FMNL2: variants seen among roughly 807,000 people sequenced by gnomAD.
FMNL2 encodes formin like 2.
FMNL2 carries 51 observed loss-of-function variants against 130.2 expected under a neutral mutation model. That is an observed-to-expected ratio of 0.39 (90% CI 0.31 to 0.49). The LOEUF is 0.49. FMNL2 is among the 20% of genes least tolerant of loss of function. FMNL2 has a pLI of 0.85. For synonymous variants in FMNL2, 465 were observed against 467.1 expected (o/e 1.00, Z 0.06); for missense variants, 977 against 1,316.2 (o/e 0.74, Z 3.99).
intron 1 of FMNL2, among the ~76,000 whole-genome samples, chr2:152,353,019 G>A (rs1385583631): frequency 6.6e-6 from 1 of 152,154 alleles, no homozygotes; most frequent in East Asian, 1.9e-4. Context: ...TTGCTTGAGT[G>A]TACCAAGCAA....
chr2:152,408,485 G>GT (rs1238519059), intron 1 of FMNL2, among the ~76,000 whole-genome samples: 1 of 152,054 alleles, frequency 6.6e-6, no homozygotes. Context: ...CCTCTTGTCT[G>GT]TTTTTCCCAA....
Position 152,558,720 on chromosome 2 carries a change from T to TGC in FMNL2, c.360-20_360-19insGC. The TGC allele has an allele frequency of 6.3e-7, 1 of 1,585,440 alleles. No homozygotes were observed. Among genetic ancestry groups the TGC allele is most frequent in the East Asian group, 2.3e-5 (1 of 44,296 alleles). On this transcript the variant is annotated intron_variant, in intron 4 of 25. Coordinates refer to ENST00000288670, the MANE Select transcript of FMNL2 (RefSeq NM_052905.4). ...TGTGATCAATTTCTCCAATGATTTTTTTTTTTTTTTCCCCAACAGATGGGT... is the reference window on the plus strand; with the variant it reads ...TGTGATCAATTTCTCCAATGATTTTTGCTTTTTTTTTTCCCCAACAGATGGGT...
At chr2:152,467,798 A>T (rs2105163423) in intron 1 of FMNL2, among the ~76,000 whole-genome samples, 1 of 152,318 alleles carries the variant, frequency 6.6e-6, no homozygotes, top group Admixed American at 6.5e-5. Flanking sequence ...TCAACTGTTG[A>T]TGCAAGCAAC....
At chr2:152,439,972 G>T (rs995956585) in intron 1 of FMNL2, among the ~76,000 whole-genome samples, 6 of 151,724 alleles carry the variant, frequency 4.0e-5, no homozygotes, top group African/African-American at 1.5e-4. Context: ...CCAGTAGAAA[G>T]CAGGTAATGA....
intron 2 of FMNL2, among the ~76,000 whole-genome samples, chr2:152,522,842 C>G (rs1476398215): frequency 2.6e-5 from 4 of 152,210 alleles, no homozygotes; most frequent in South Asian, 4.1e-4. Context: ...ATCTGTTATC[C>G]AAACATACTT....
At chr2:152,565,531 C>T (rs1302066222) in intron 6 of FMNL2, among the ~76,000 whole-genome samples, 2 of 152,186 alleles carry the variant, frequency 1.3e-5, no homozygotes, top group East Asian at 3.9e-4. Flanking sequence ...ATCTTTGTAA[C>T]CAAGGATGAT....
At chr2:152,431,265 T>G (rs1330317880) in intron 1 of FMNL2, among the ~76,000 whole-genome samples, 1 of 152,226 alleles carries the variant, frequency 6.6e-6, no homozygotes, top group Non-Finnish European at 1.5e-5. Context: ...CCTCATAGGC[T>G]TATTATAAGG....
chr2:152,596,095 TGG>T (rs1293106185), intron 9 of FMNL2, among the ~76,000 whole-genome samples: 2 of 151,562 alleles, frequency 1.3e-5, no homozygotes, highest in Admixed American at 6.6e-5. Flanking sequence ...CCAGAACGGC[TGG>T]GATTATAGGC....
At chr2:152,601,867 A>C (rs1355045983) in intron 9 of FMNL2, among the ~76,000 whole-genome samples, 2 of 151,182 alleles carry the variant, frequency 1.3e-5, no homozygotes, top group African/African-American at 4.9e-5. Context: ...ACGGGGTTTC[A>C]CCCTGTTGGC....
intron 1 of FMNL2, among the ~76,000 whole-genome samples, chr2:152,426,379 G>T (rs377644859): frequency 6.6e-6 from 1 of 152,188 alleles, no homozygotes; most frequent in Non-Finnish European, 1.5e-5. Flanking sequence ...ATGGCCCCTC[G>T]GTTGTGGTTG....
chr2:152,415,494 A>G (rs1315317224), intron 1 of FMNL2, among the ~76,000 whole-genome samples: 1 of 152,180 alleles, frequency 6.6e-6, no homozygotes, highest in Non-Finnish European at 1.5e-5. Context: ...CACTCTACAG[A>G]TATGATTTGT....
chr2:152,620,964 C>G, intron 15 of FMNL2: 23 of 985,408 alleles, frequency 2.3e-5, no homozygotes, highest in Non-Finnish European at 2.8e-5. Context: ...TCTTCTAGAA[C>G]TTTTATTACT....
At chr2:152,569,157 C>G (rs1187289597) in intron 6 of FMNL2, among the ~76,000 whole-genome samples, 4 of 142,082 alleles carry the variant, frequency 2.8e-5, no homozygotes, top group Non-Finnish European at 6.0e-5. Context: ...GGTTTAAAGA[C>G]AGCAAAACAT....
chr2:152,524,733 A>G (rs2105415164), intron 2 of FMNL2, among the ~76,000 whole-genome samples: 2 of 152,206 alleles, frequency 1.3e-5, no homozygotes, highest in Admixed American at 1.3e-4. Flanking sequence ...TTTGGTGCAG[A>G]CCCTGTGCTG....
chr2:152,383,108 G>A (rs1253878928), intron 1 of FMNL2, among the ~76,000 whole-genome samples: 2 of 152,108 alleles, frequency 1.3e-5, no homozygotes, highest in African/African-American at 4.8e-5. Flanking sequence ...TAGGAGTGTG[G>A]TGAGGGAGAG....
chr2:152,480,258 A>G (rs190808290), intron 1 of FMNL2, among the ~76,000 whole-genome samples: 1 of 152,332 alleles, frequency 6.6e-6, no homozygotes. Context: ...CACAAATCTA[A>G]TAATAATCTT....
At chr2:152,340,848 T>C (rs1181545869) in intron 1 of FMNL2, among the ~76,000 whole-genome samples, 1 of 152,092 alleles carries the variant, frequency 6.6e-6, no homozygotes, top group Non-Finnish European at 1.5e-5. Flanking sequence ...TGTGCCACCA[T>C]GCCCGGCTGA....
At chr2:152,386,328 C>A (rs901259545) in intron 1 of FMNL2, among the ~76,000 whole-genome samples, 1 of 152,144 alleles carries the variant, frequency 6.6e-6, no homozygotes, top group Non-Finnish European at 1.5e-5. Context: ...GTGGTCCAGA[C>A]CTCATTCAAT....
At chr2:152,604,008 T>G (rs779449839) in intron 9 of FMNL2, among the ~76,000 whole-genome samples, 1 of 151,146 alleles carries the variant, frequency 6.6e-6, no homozygotes, top group African/African-American at 2.4e-5. Flanking sequence ...GGGGAGATTC[T>G]TATTCAGTAT....
Sources: gnomAD v4.1 joint callset for allele counts (sites outside exome capture counted in the v4.1 genomes callset) on GRCh38, gnomAD v4.1.1 for gene constraint, MANE v1.5 for transcripts, NCBI Gene and HGNC (gene_info 2026-07-23, HGNC 2026-07-21) for gene names.